ATXN10: variants seen among roughly 807,000 people sequenced by gnomAD.
ATXN10 encodes the protein ataxin 10.
Under a neutral mutation model 52.9 loss-of-function variants are expected in ATXN10, and 28 were observed. The ratio of observed to expected loss-of-function variants is 0.53; its 90% CI spans 0.39 to 0.73. The LOEUF (loss-of-function observed/expected upper bound fraction) is 0.73. ATXN10 is among the 30% of genes least tolerant of loss of function. The pLI is 0.00. For synonymous variants in ATXN10, 226 were observed against 221.5 expected (o/e 1.02, Z -0.18); for missense variants, 565 against 577.0 (o/e 0.98, Z 0.21).
At chr22:45,691,341 G>A (rs12330069) in intron 2 of ATXN10, among the ~76,000 whole-genome samples, 3,142 of 152,322 alleles carry the variant, frequency 0.021, 118 homozygotes, top group African/African-American at 0.072. Context: ...AAGGGAGTGA[G>A]CATTCGTTGA....
chr22:45,689,291 G>C (rs1415419757), intron 1 of ATXN10, among the ~76,000 whole-genome samples: 2 of 152,230 alleles, frequency 1.3e-5, no homozygotes, highest in African/African-American at 4.8e-5. Context: ...ATTCAGGGTA[G>C]ATCCATAAGC....
At position 45,769,979 on chromosome 22, in the gene ATXN10, A is replaced by T. The variant is rs921960345; in HGVS notation, c.1173+29441A>T. On this transcript the variant is annotated intron_variant, in intron 9 of 11. Transcript: ENST00000252934. This position sits in a 1 kb window ranked among gnomAD's most constrained non-coding sequence, Gnocchi z 4.2. ...TACAGTTCTAAATAAAGGTTCTCAGATGCAGTTTCACAGAGCAGGCTGTGG... is the reference window on the plus strand; with the variant it reads ...TACAGTTCTAAATAAAGGTTCTCAGTTGCAGTTTCACAGAGCAGGCTGTGG... Among the ~76,000 whole-genome samples, 1 of 152,270 alleles carries T rather than the reference A, an allele frequency of 6.6e-6. No homozygotes were observed. Among genetic ancestry groups the T allele is most frequent in the Non-Finnish European group, 1.5e-5 (1 of 68,052 alleles).
chr22:45,740,679 T>TACAC (rs74268525), intron 9 of ATXN10, 141 bp downstream of exon 9: 4,846 of 391,536 alleles, frequency 0.012, 46 homozygotes, highest in East Asian at 0.027. Flanking sequence ...TTTATATGAA[T>TACAC]ACACACACAC....
intron 5 of ATXN10, among the ~76,000 whole-genome samples, chr22:45,714,989 C>G (rs1038195426): frequency 1.3e-5 from 2 of 152,300 alleles, no homozygotes; most frequent in African/African-American, 2.4e-5. Flanking sequence ...GCCCTAGTCC[C>G]TATACCCTTA....
chr22:45,835,861 G>A lies in ATXN10; in HGVS notation c.1238-7130G>A, dbSNP rs1436469531. 6.6e-6 allele frequency among the ~76,000 whole-genome samples: 1 copy of A among 151,954 alleles called. No individual in the cohort carries two copies. ...TTTAGTATTTTTTTTAACACTTTCA[G>A]TATTAGCAATTAGCCATTAATTGGT... On this transcript the variant is annotated intron_variant, in intron 10 of 11. Transcript: ENST00000252934. The surrounding 1 kb of genome is among the most constrained non-coding windows in gnomAD (Gnocchi z 5.0).
intron 10 of ATXN10, among the ~76,000 whole-genome samples, chr22:45,815,231 TCAAAAAGACCATGTACTGTA>T (rs1208786178): frequency 6.6e-6 from 1 of 152,124 alleles, no homozygotes; most frequent in East Asian, 1.9e-4. Flanking sequence ...GAAGCCAGAT[TCAAAAAGACCATGTACTGTA>T]CAGTTCATCT....
At chr22:45,761,936 G>A (rs919659215) in intron 9 of ATXN10, among the ~76,000 whole-genome samples, 1 of 152,166 alleles carries the variant, frequency 6.6e-6, no homozygotes, top group African/African-American at 2.4e-5. Flanking sequence ...ACATCTGACT[G>A]GGATGAAGTA....
At chr22:45,829,981 A>T (rs1004193123) in intron 10 of ATXN10, among the ~76,000 whole-genome samples, 21 of 152,240 alleles carry the variant, frequency 1.4e-4, no homozygotes, top group African/African-American at 3.4e-4. Flanking sequence ...TAATAAAGCT[A>T]CAATAATCAA....
chr22:45,817,424 A>G (rs983298142), intron 10 of ATXN10, among the ~76,000 whole-genome samples: 1 of 150,686 alleles, frequency 6.6e-6, no homozygotes, highest in Admixed American at 6.6e-5. Flanking sequence ...TCCTGAGTTC[A>G]AGTGATTCTT....
chr22:45,798,904 G>A (rs1297283476), intron 9 of ATXN10, among the ~76,000 whole-genome samples: 1 of 152,034 alleles, frequency 6.6e-6, no homozygotes, highest in Non-Finnish European at 1.5e-5. Context: ...GAAATATTTA[G>A]GAATAAACTT....
intron 5 of ATXN10, among the ~76,000 whole-genome samples, chr22:45,713,096 T>C (rs974531044): frequency 2.0e-5 from 3 of 152,080 alleles, no homozygotes; most frequent in African/African-American, 7.2e-5. Flanking sequence ...AAAAAAAATT[T>C]CCCTGAAACC....
chr22:45,809,572 G>A (rs1753779807), intron 10 of ATXN10, among the ~76,000 whole-genome samples: 1 of 152,114 alleles, frequency 6.6e-6, no homozygotes, highest in Admixed American at 6.5e-5. Flanking sequence ...TTCAGCTCCT[G>A]TACACCACCT....
chr22:45,703,121 G>A (rs1257343409), intron 5 of ATXN10, among the ~76,000 whole-genome samples: 1 of 152,168 alleles, frequency 6.6e-6, no homozygotes, highest in Admixed American at 6.6e-5. Flanking sequence ...TGAAAAAACA[G>A]TGTGAAATGC....
In ATXN10 at chr22:45,763,989, C is replaced by G. The variant is rs1375463103; in HGVS notation, c.1173+23451C>G. On this transcript the variant is annotated intron_variant, in intron 9 of 11. Transcript: ENST00000252934. The surrounding 1 kb of genome is among the most constrained non-coding windows in gnomAD (Gnocchi z 6.9). ...AATTATAATACCTGACTTGTGAGTTCCATTCCAGAATTCGGCCAGCCAGTT... is the reference window on the plus strand; with the variant it reads ...AATTATAATACCTGACTTGTGAGTTGCATTCCAGAATTCGGCCAGCCAGTT... Among the ~76,000 whole-genome samples, 1 of 151,832 alleles carries G rather than the reference C, an allele frequency of 6.6e-6. No homozygotes were observed. Among genetic ancestry groups the G allele is most frequent in the Non-Finnish European group, 1.5e-5 (1 of 67,978 alleles).
At chr22:45,714,008 TA>T (rs1924352143) in intron 5 of ATXN10, among the ~76,000 whole-genome samples, 1 of 152,306 alleles carries the variant, frequency 6.6e-6, no homozygotes, top group Admixed American at 6.5e-5. Flanking sequence ...AATAAATTCA[TA>T]AGTGCAATTC....
Position 45,835,150 on chromosome 22 carries a change from G to T in ATXN10, c.1238-7841G>T, listed in dbSNP as rs1929125330. 6.6e-6 allele frequency among the ~76,000 whole-genome samples: 1 copy of T among 152,178 alleles called. No individual in the cohort carries two copies. The highest frequency in any genetic ancestry group is 1.5e-5 in the Non-Finnish European group (1 of 68,036). Reference sequence around the variant, plus strand: ...TACCTGTGAGCGCGGCCCTCCATCGGCCACAGAAGCTTTTGGAGTGGGCAG... The same window carrying T: ...TACCTGTGAGCGCGGCCCTCCATCGTCCACAGAAGCTTTTGGAGTGGGCAG... On this transcript the variant is annotated intron_variant, in intron 10 of 11. Coordinates refer to ENST00000252934, the MANE Select transcript of ATXN10 (RefSeq NM_013236.4). The surrounding 1 kb of genome is among the most constrained non-coding windows in gnomAD (Gnocchi z 5.0).
chr22:45,703,592 T>C (rs1923924036), intron 5 of ATXN10, among the ~76,000 whole-genome samples: 1 of 152,118 alleles, frequency 6.6e-6, no homozygotes, highest in Admixed American at 6.6e-5. Context: ...GATGGGACTG[T>C]GAAAATAATA....
At chr22:45,674,313 G>C (rs1481144947) in intron 1 of ATXN10, 1 of 152,314 alleles carries the variant, frequency 6.6e-6, no homozygotes, top group Non-Finnish European at 1.5e-5. Flanking sequence ...CTGAGTTCTG[G>C]GACAGTGTCC....
At chr22:45,793,646 GC>G in intron 9 of ATXN10, 1 of 1,392,872 alleles carries the variant, frequency 7.2e-7, no homozygotes, top group Non-Finnish European at 9.4e-7. Flanking sequence ...ACCAGCCTTT[GC>G]CAAGGATGCA....
Sources: gnomAD v4.1 joint callset for allele counts (sites outside exome capture counted in the v4.1 genomes callset) on GRCh38, gnomAD v4.1.1 for gene constraint, Gnocchi (gnomAD v3.1) non-coding constraint, MANE v1.5 for transcripts, NCBI Gene and HGNC (gene_info 2026-07-23, HGNC 2026-07-21) for gene names.